The following GABRG3 variants were observed in gnomAD, a reference collection of about 807,000 sequenced individuals.
GABRG3 encodes gamma-aminobutyric acid type A receptor subunit gamma3.
Under a neutral mutation model 48.8 loss-of-function variants are expected in GABRG3, and 25 were observed. The observed-to-expected ratio is 0.51, with a 90% confidence interval of 0.37 to 0.72. The LOEUF is 0.72. Among genes scored for constraint, GABRG3 ranks in the 30% least tolerant of loss-of-function variants. The probability of loss-of-function intolerance (pLI) is 0.00; values close to 1 mark genes in which losing one functional copy is unlikely to be tolerated. For synonymous variants in GABRG3, 227 were observed against 217.6 expected (o/e 1.04, Z -0.38); for missense variants, 394 against 577.9 (o/e 0.68, Z 3.26).
At chr15:27,294,137 T>C (rs1891896318) in intron 3 of GABRG3, among the ~76,000 whole-genome samples, 1 of 151,918 alleles carries the variant, frequency 6.6e-6, no homozygotes, top group Non-Finnish European at 1.5e-5. Context: ...AAATATCACA[T>C]GCCCAGATTG....
chr15:27,036,792 A>G (rs1194009144), intron 3 of GABRG3, among the ~76,000 whole-genome samples: 1 of 152,222 alleles, frequency 6.6e-6, no homozygotes, highest in Admixed American at 6.5e-5. Flanking sequence ...GAATACAGCT[A>G]TGAATCTTGT....
chr15:27,033,748 A>T (rs989876160), intron 3 of GABRG3, among the ~76,000 whole-genome samples: 33 of 152,080 alleles, frequency 2.2e-4, no homozygotes, highest in African/African-American at 7.5e-4. Context: ...ACAATATTTC[A>T]TTTTCCACTT....
intron 5 of GABRG3, among the ~76,000 whole-genome samples, chr15:27,371,811 AAC>A (rs34337389): frequency 0.3 from 45,553 of 152,042 alleles, 6,969 homozygotes; most frequent in Middle Eastern, 0.4. Context: ...TATTTTAGAA[AAC>A]ACAAAATAAC....
chr15:27,495,265 G>T (rs190706975), intron 6 of GABRG3, among the ~76,000 whole-genome samples: 277 of 152,212 alleles, frequency 1.8e-3, no homozygotes, highest in Non-Finnish European at 3.3e-3. Flanking sequence ...TAACGTCCTG[G>T]ATGTTCATCC....
intron 3 of GABRG3, among the ~76,000 whole-genome samples, chr15:27,182,850 T>G (rs961384814): frequency 3.3e-5 from 5 of 152,200 alleles, no homozygotes; most frequent in Admixed American, 6.5e-5. Flanking sequence ...GATGAGCTGC[T>G]GCTGGTGCAG....
chr15:27,368,559 ATTG>A (rs1895290447), intron 5 of GABRG3, among the ~76,000 whole-genome samples: 1 of 152,198 alleles, frequency 6.6e-6, no homozygotes, highest in Non-Finnish European at 1.5e-5. Context: ...TGTCCTGGTC[ATTG>A]TTGTAGTTTT....
intron 5 of GABRG3, among the ~76,000 whole-genome samples, chr15:27,355,874 A>G (rs1595700474): frequency 6.6e-6 from 1 of 152,210 alleles, no homozygotes; most frequent in East Asian, 1.9e-4. Flanking sequence ...ACTAAAGGAC[A>G]GTATGATTCC....
At chr15:27,013,797 C>T (rs1259691063) in intron 2 of GABRG3, among the ~76,000 whole-genome samples, 1 of 151,932 alleles carries the variant, frequency 6.6e-6, no homozygotes, top group Non-Finnish European at 1.5e-5. Flanking sequence ...AGTTTCAGAC[C>T]TCCAACTTTC....
At chr15:27,487,879 G>A (rs1890257745) in intron 6 of GABRG3, among the ~76,000 whole-genome samples, 1 of 152,180 alleles carries the variant, frequency 6.6e-6, no homozygotes, top group Non-Finnish European at 1.5e-5. Context: ...TGTTTTACAT[G>A]CTTTTTTGAT....
intron 3 of GABRG3, among the ~76,000 whole-genome samples, chr15:27,240,140 A>G (rs912037853): frequency 1.3e-5 from 2 of 152,224 alleles, no homozygotes; most frequent in South Asian, 2.1e-4. Flanking sequence ...CACTTGCTCT[A>G]TTAAATGATC....
chr15:27,030,762 T>A (rs1482911101), intron 3 of GABRG3, among the ~76,000 whole-genome samples: 1 of 152,112 alleles, frequency 6.6e-6, no homozygotes, highest in East Asian at 1.9e-4. Context: ...ATATTGACCT[T>A]CCTGCTTGTT....
chr15:27,400,314 T>C (rs72705728), intron 5 of GABRG3, among the ~76,000 whole-genome samples: 8,625 of 152,310 alleles, frequency 0.057, 342 homozygotes, highest in South Asian at 0.19. Context: ...ATTTAAGATT[T>C]TTTTGCAAGA....
chr15:27,432,984 A>G (rs1888501248), intron 5 of GABRG3, among the ~76,000 whole-genome samples: 3 of 152,348 alleles, frequency 2.0e-5, no homozygotes, highest in South Asian at 4.1e-4. Context: ...CTCTTTCTGC[A>G]CTGTCACCAC....
At chr15:27,525,182 A>G (rs1005353032) in intron 7 of GABRG3, among the ~76,000 whole-genome samples, 2 of 104,830 alleles carry the variant, frequency 1.9e-5, no homozygotes, top group African/African-American at 7.2e-5. Flanking sequence ...GCTGAATGAA[A>G]AAAAAACAAA....
intron 3 of GABRG3, among the ~76,000 whole-genome samples, chr15:27,222,460 A>T (rs1427227644): frequency 6.6e-6 from 1 of 152,212 alleles, no homozygotes; most frequent in Non-Finnish European, 1.5e-5. Flanking sequence ...TCTGCAAAAG[A>T]TCCACAAGCA....
intron 3 of GABRG3, among the ~76,000 whole-genome samples, chr15:27,187,974 G>C (rs559758028): frequency 6.8e-6 from 1 of 148,000 alleles, no homozygotes; most frequent in Admixed American, 7.0e-5. Context: ...GAGAATATGC[G>C]GTGTTTGGTT....
At chr15:27,255,365 G>A (rs7177437) in intron 3 of GABRG3, among the ~76,000 whole-genome samples, 4,426 of 152,230 alleles carry the variant, frequency 0.029, 196 homozygotes, top group African/African-American at 0.1. Context: ...AGACTTTCCT[G>A]GCAGGTAGAA....
chr15:27,459,159 A>T (rs1343166508), intron 5 of GABRG3, among the ~76,000 whole-genome samples: 2 of 152,214 alleles, frequency 1.3e-5, no homozygotes, highest in Non-Finnish European at 2.9e-5. Flanking sequence ...GTGATGTGTG[A>T]TACCTTAGAG....
At chr15:27,087,880 G>C (rs375691279) in intron 3 of GABRG3, among the ~76,000 whole-genome samples, 169 of 150,606 alleles carry the variant, frequency 1.1e-3, no homozygotes, top group Middle Eastern at 6.9e-3. Flanking sequence ...TGTGTGGTGT[G>C]CTATGGGGTG....
Sources: gnomAD v4.1 joint callset for allele counts (sites outside exome capture counted in the v4.1 genomes callset) on GRCh38, gnomAD v4.1.1 for gene constraint, MANE v1.5 for transcripts, NCBI Gene and HGNC (gene_info 2026-07-23, HGNC 2026-07-21) for gene names.